GLYAT: variants seen among roughly 807,000 people sequenced by gnomAD.
GLYAT encodes glycine-N-acyltransferase.
In GLYAT, 25 loss-of-function variants were observed where a neutral mutation model predicts 22.8. The ratio of observed to expected loss-of-function variants is 1.09; its 90% CI spans 0.80 to 1.53. The LOEUF is 1.53. Among genes scored for constraint, GLYAT ranks in the 40% most tolerant of loss-of-function variants. GLYAT has a pLI of 0.00. For synonymous variants in GLYAT, 140 were observed against 122.7 expected (o/e 1.14, Z -0.93); for missense variants, 411 against 353.9 (o/e 1.16, Z -1.29).
intron 4 of GLYAT, among the ~76,000 whole-genome samples, chr11:58,711,406 G>C (rs1367325939): frequency 1.3e-5 from 2 of 152,158 alleles, no homozygotes; most frequent in Admixed American, 1.3e-4. Flanking sequence ...CCTTTCTGCA[G>C]AAAGTAAAAA....
chr11:58,722,065 T>A (rs986409490), intron 2 of GLYAT, among the ~76,000 whole-genome samples: 3 of 152,032 alleles, frequency 2.0e-5, no homozygotes, highest in African/African-American at 7.2e-5. Context: ...TTCCTCCCCA[T>A]CTAATTAGGA....
At position 58,710,760 on chromosome 11, in the gene GLYAT, A is replaced by C. The variant is rs777373598; in HGVS notation, c.318T>G (p.Ser106Arg). 1 of 1,563,870 alleles carries C rather than the reference A, an allele frequency of 6.4e-7. No individual in the cohort carries two copies. The highest frequency in any genetic ancestry group is 8.8e-7 in the Non-Finnish European group (1 of 1,134,654). The change falls in exon 5 of 6, where the codon AGT (serine) becomes AGG (arginine). Residue 106 changes from serine (S) to arginine (R), a missense_variant and splice_region_variant. Physicochemically the swap from Ser to Arg is moderately radical, Grantham distance 110 (BLOSUM62 -1). Transcript: ENST00000344743. ...INWKQHLQIQSSQPSLNEAIQ... is the reference protein window; with the variant it reads ...INWKQHLQIQRSQPSLNEAIQ... ...TAGCCTCATTCAGGCTAGGCTGTGA[A>C]CCTAGACGGTATAATAAACAGAGAT...
intron 1 of GLYAT, among the ~76,000 whole-genome samples, chr11:58,726,923 C>A (rs1408763400): frequency 1.3e-5 from 2 of 151,946 alleles, no homozygotes; most frequent in Non-Finnish European, 2.9e-5. Flanking sequence ...CCTCTGGAGG[C>A]CTTGGGACTT....
chr11:58,717,849 C>A (rs967315813), intron 2 of GLYAT, among the ~76,000 whole-genome samples: 3 of 151,952 alleles, frequency 2.0e-5, no homozygotes, highest in Non-Finnish European at 2.9e-5. Flanking sequence ...TTTAAATTGG[C>A]TTTGATGAAA....
At chr11:58,724,305 C>T in intron 2 of GLYAT, 111 bp downstream of exon 2, 2 of 570,626 alleles carry the variant, frequency 3.5e-6, no homozygotes, top group South Asian at 2.6e-5. Context: ...TGAGAGAAAA[C>T]ATGAAATAGT....
At position 58,730,096 on chromosome 11, in the gene GLYAT, C is replaced by T. The variant is rs143671047; in HGVS notation, c.-16+1739G>A. ...GCAGCACTGGGCAATGAGTAGCATTCCCGGGCATAAACTTCAGAATCTTTG... is the reference window on the plus strand; with the variant it reads ...GCAGCACTGGGCAATGAGTAGCATTTCCGGGCATAAACTTCAGAATCTTTG... On this transcript the variant is annotated intron_variant, in intron 1 of 5. Coordinates refer to ENST00000344743, the MANE Select transcript of GLYAT (RefSeq NM_201648.3). Among the ~76,000 whole-genome samples the T allele has an allele frequency of 8.6e-3, 1,310 of 152,256 alleles. 9 individuals carry two copies. The highest frequency in any genetic ancestry group is 0.014 in the Non-Finnish European group (951 of 68,008).
rs7103065 is a variant in GLYAT at position 58,729,573 on chromosome 11, A to G, written c.-16+2262T>C. On this transcript the variant is annotated intron_variant, in intron 1 of 5. Transcript: ENST00000344743. Reference sequence around the variant, plus strand: ...AGTATTTGGCACAGAGTAGGCCCTCAATACATAAGTAACGAATGATTGAAT... The same window carrying G: ...AGTATTTGGCACAGAGTAGGCCCTCGATACATAAGTAACGAATGATTGAAT... Among the ~76,000 whole-genome samples, 764 of 152,284 alleles carry G rather than the reference A, an allele frequency of 5.0e-3. 8 individuals are homozygous for G. The highest frequency in any genetic ancestry group is 0.018 in the African/African-American group (732 of 41,550).
At chr11:58,718,706 C>G (rs1383919990) in intron 2 of GLYAT, among the ~76,000 whole-genome samples, 1 of 146,860 alleles carries the variant, frequency 6.8e-6, no homozygotes, top group South Asian at 2.2e-4. Context: ...TATCAGAAAC[C>G]CACATTTAAG....
At chr11:58,731,356 G>A (rs1024571417) in intron 1 of GLYAT, among the ~76,000 whole-genome samples, 1 of 152,110 alleles carries the variant, frequency 6.6e-6, no homozygotes, top group African/African-American at 2.4e-5. Context: ...TTAGTCGAGA[G>A]CACAAACTTC....
At chr11:58,726,862 T>A (rs1394574029) in intron 1 of GLYAT, among the ~76,000 whole-genome samples, 1 of 151,970 alleles carries the variant, frequency 6.6e-6, no homozygotes, top group Admixed American at 6.6e-5. Flanking sequence ...AAAACAGCAA[T>A]GCTTGGATTT....
intron 1 of GLYAT, among the ~76,000 whole-genome samples, chr11:58,725,565 C>A (rs1856802982): frequency 6.6e-6 from 1 of 152,092 alleles, no homozygotes; most frequent in Non-Finnish European, 1.5e-5. Flanking sequence ...CTGTACAGGT[C>A]TGTAGCATCC....
intron 5 of GLYAT, 182 bp from the exon 6 acceptor site, chr11:58,710,350 C>A: frequency 9.5e-7 from 1 of 1,054,402 alleles, no homozygotes; most frequent in Admixed American, 2.9e-5. Context: ...AGGAAGAAAG[C>A]AGGAAGGGCA....
chr11:58,715,401 A>C lies in GLYAT; in HGVS notation c.104T>G (p.Ile35Arg), dbSNP rs1182752052. 1 of 1,584,242 alleles carries C rather than the reference A, an allele frequency of 6.3e-7. No homozygotes were observed. Among genetic ancestry groups the C allele is most frequent in the South Asian group, 1.1e-5 (1 of 90,362 alleles). The stretch of plus-strand genomic sequence containing the variant: ...CAGATTGAATGGATTTCCATGGTTT[A>C]TGTGAAAGACAGTTCCATAAACCTG... Reference protein sequence around the residue: ...SLKVYGTVFHINHGNPFNLKA... With the variant: ...SLKVYGTVFHRNHGNPFNLKA... Residue 35 changes from isoleucine to arginine, a missense_variant, in exon 3 of 6, where the codon ATA (isoleucine) becomes AGA (arginine). Physicochemically the swap from Ile to Arg is moderately conservative, Grantham distance 97. Transcript: ENST00000344743.
chr11:58,717,195 C>A (rs1856692025), intron 2 of GLYAT, among the ~76,000 whole-genome samples: 1 of 151,964 alleles, frequency 6.6e-6, no homozygotes, highest in Non-Finnish European at 1.5e-5. Context: ...AAGCATTTAA[C>A]AATAAAATGA....
At chr11:58,724,890 GT>G (rs1199676122) in intron 1 of GLYAT, among the ~76,000 whole-genome samples, 1 of 152,102 alleles carries the variant, frequency 6.6e-6, no homozygotes, top group Non-Finnish European at 1.5e-5. Flanking sequence ...CTCAAAGGTA[GT>G]TGGGATAATA....
chr11:58,716,832 T>C (rs1856687169), intron 2 of GLYAT, among the ~76,000 whole-genome samples: 1 of 152,094 alleles, frequency 6.6e-6, no homozygotes, highest in Non-Finnish European at 1.5e-5. Context: ...GGGCACAGCT[T>C]GGTTTTCTAC....
chr11:58,718,862 G>A (rs1856715550), intron 2 of GLYAT, among the ~76,000 whole-genome samples: 1 of 151,852 alleles, frequency 6.6e-6, no homozygotes, highest in Non-Finnish European at 1.5e-5. Flanking sequence ...TTACCTCTGT[G>A]GCACACAATA....
intron 3 of GLYAT, among the ~76,000 whole-genome samples, chr11:58,714,779 G>C (rs1416444003): frequency 6.6e-6 from 1 of 152,070 alleles, no homozygotes; most frequent in Non-Finnish European, 1.5e-5. Context: ...AGTTTCCCGA[G>C]GCCTTCCCAG....
chr11:58,709,590 C>G lies in GLYAT; in HGVS notation c.*176G>C. ...CCTGGGCCTGCTTCCCACTGAGAAACCTGTGAATGCAGGGACCATGGCGAT... is the reference window on the plus strand; with the variant it reads ...CCTGGGCCTGCTTCCCACTGAGAAAGCTGTGAATGCAGGGACCATGGCGAT... On this transcript the variant is annotated 3_prime_UTR_variant, in exon 6 of 6. Transcript: ENST00000344743. The G allele has an allele frequency of 3.3e-6, 2 of 609,074 alleles. No homozygotes were observed. Among genetic ancestry groups the G allele is most frequent in the Non-Finnish European group, 5.4e-6 (2 of 367,982 alleles). 37.7% of individuals were successfully genotyped at this position (609,074 alleles called of 1,614,324 possible). A position where few individuals can be genotyped will look rare whatever the true frequency, so the allele number is the denominator to read the frequency against.
Sources: allele counts gnomAD v4.1 joint callset (sites outside exome capture counted in the v4.1 genomes callset), GRCh38; gene constraint gnomAD v4.1.1; transcripts MANE v1.5; gene names NCBI Gene and HGNC (gene_info 2026-07-23, HGNC 2026-07-21).